Variants in BAG1 observed in about 807,000 individuals in gnomAD.
The protein encoded by BAG1 is BAG cochaperone 1.
A neutral mutation model predicts 35.5 loss-of-function variants in BAG1; 35 were observed. The observed-to-expected ratio is 0.99, with a 90% CI of 0.75 to 1.31. BAG1 has a LOEUF of 1.31. Ranked by LOEUF, BAG1 falls within the 50% of genes most tolerant of loss-of-function variation. The pLI, the probability that BAG1 is intolerant of heterozygous loss-of-function variation, is 0.00. For missense variants in BAG1, 464 were observed against 453.6 expected, an observed-to-expected ratio of 1.02 and a Z score of -0.21; for synonymous variants, 191 against 178.9, an observed-to-expected ratio of 1.07 and a Z score of -0.54.
At position 33,264,396 on chromosome 9, in the gene BAG1, G is replaced by T. The variant is rs757122686; in HGVS notation, c.279C>A (p.Thr93=). Residue 93 remains threonine, a synonymous_variant, in exon 1 of 7, where the codon ACC becomes ACA. Coordinates refer to ENST00000634734, the MANE Select transcript of BAG1 (RefSeq NM_004323.6). ...CACTCCAGGTCGCTTCCTCACTCAG[G>T]GTCAACTCCTCGCTCCGGGTCAACT... The T allele has an allele frequency of 6.2e-7, 1 of 1,603,154 alleles. No individual in the cohort carries two copies.
chr9:33,254,007 T>TC lies in BAG1; in HGVS notation c.*1211dup, dbSNP rs1820393699. 1 of 151,220 alleles carries TC rather than the reference T, an allele frequency of 6.6e-6. No homozygotes were observed. The highest frequency in any genetic ancestry group is 2.1e-4 in the South Asian group (1 of 4,780). The allele number at this position is 151,220 out of a possible 1,614,324, so 9.4% of individuals were successfully genotyped here. On this transcript the variant is annotated 3_prime_UTR_variant, in exon 7 of 7. Transcript: ENST00000634734. ...TTTTTTTTTTTTCTGAGATGGAGTC[T>TC]CACTCTGTGACCCAGGCTGGAGTGC... is the stretch of plus-strand genomic sequence containing the variant.
At chr9:33,259,183 A>C (rs111792805) in intron 3 of BAG1, 150 bp from the exon 4 acceptor site, 17 of 547,590 alleles carry the variant, frequency 3.1e-5, no homozygotes, top group African/African-American at 1.9e-4. Flanking sequence ...CAACATGGTG[A>C]AACACTGTCT....
chr9:33,259,936 T>C (rs1270826191), intron 3 of BAG1: 1 of 152,268 alleles, frequency 6.6e-6, no homozygotes, highest in Non-Finnish European at 1.5e-5. Context: ...AAACTGAGGC[T>C]TAATGTAGTA....
At chr9:33,262,365 G>A in intron 2 of BAG1, 2 of 1,170,526 alleles carry the variant, frequency 1.7e-6, no homozygotes, top group Non-Finnish European at 2.2e-6. Flanking sequence ...GAAAAGAAAT[G>A]CTTACCCTTG....
At position 33,259,026 on chromosome 9, in the gene BAG1, G is replaced by A. The variant is rs765003937; in HGVS notation, c.671C>T (p.Pro224Leu). Residue 224 changes from proline to leucine, a missense_variant, in exon 4 of 7, where the codon CCA becomes CTA. By Grantham distance (98) the Pro-to-Leu change is moderately conservative. Transcript: ENST00000634734. ...CTTCTTTAGTTCAACCTCTTCCTGT[G>A]GACTGTTCTAAAATGTTTAAGAAGA... 1.9e-6 allele frequency: 3 copies of A among 1,613,194 alleles called. No homozygotes were observed. Among genetic ancestry groups the A allele is most frequent in the African/African-American group, 1.3e-5 (1 of 74,844 alleles).
At chr9:33,258,251 A>G (rs1346120409) in intron 4 of BAG1, 1 of 138,522 alleles carries the variant, frequency 7.2e-6, no homozygotes, top group Admixed American at 7.6e-5. Flanking sequence ...AGCCACTGAG[A>G]TTGCACCACT....
At chr9:33,261,746 G>A (rs1381528616) in intron 2 of BAG1, among the ~76,000 whole-genome samples, 2 of 152,032 alleles carry the variant, frequency 1.3e-5, no homozygotes, top group Non-Finnish European at 2.9e-5. Context: ...TATAATGACT[G>A]ACACCCAATG....
chr9:33,261,946 A>C, intron 2 of BAG1: 1 of 985,452 alleles, frequency 1.0e-6, no homozygotes, highest in Non-Finnish European at 1.2e-6. Flanking sequence ...GAGGCACTGG[A>C]AACACAGCAG....
In BAG1 at chr9:33,259,016, C is replaced by T. The variant is rs1465531513; in HGVS notation, c.681G>A (p.Glu227=). 6 of 1,613,868 alleles carry T rather than the reference C, an allele frequency of 3.7e-6. No individual in the cohort carries two copies. Among genetic ancestry groups the T allele is most frequent in the East Asian group, 4.5e-5 (2 of 44,890 alleles). ...AATGTTTCAACTTCTTTAGTTCAAC[C>T]TCTTCCTGTGGACTGTTCTAAAATG... The change falls in exon 4 of 7, where the codon GAG becomes GAA. Residue 227 remains glutamate, a synonymous_variant. Coordinates refer to ENST00000634734, the MANE Select transcript of BAG1 (RefSeq NM_004323.6).
Position 33,261,181 on chromosome 9 carries a change from AG to A in BAG1, c.581-13del, listed in dbSNP as rs753669035. 4.4e-6 allele frequency: 7 copies of A among 1,592,656 alleles called. No individual in the cohort carries two copies. In the East Asian group the frequency reaches 9.0e-5, roughly 20 times the overall value. ...CTTCAGAGATTTTCCTAAAAAGAGG[AG>A]AAAGGTAGGCCAAGTTGTAATAATT... On this transcript the variant is annotated splice_polypyrimidine_tract_variant and intron_variant, in intron 2 of 6. Transcript: ENST00000634734.
In BAG1 at chr9:33,261,132, T is replaced by G. The variant is rs770917998; in HGVS notation, c.618A>C (p.Ala206=). The change falls in exon 3 of 7, where the codon GCA becomes GCC. Residue 206 remains alanine, a synonymous_variant. Transcript: ENST00000634734. Reference sequence around the variant, plus strand: ...CCCGGCAACCATCTTGTATTCCAAGTGCTGACAACGGTGTTTCCATTTCCT... The same window carrying G: ...CCCGGCAACCATCTTGTATTCCAAGGGCTGACAACGGTGTTTCCATTTCCT... 14 of 1,611,126 alleles carry G rather than the reference T, an allele frequency of 8.7e-6. No individual in the cohort carries two copies. Among genetic ancestry groups the G allele is most frequent in the Admixed American group, 1.7e-5 (1 of 59,440 alleles).
Position 33,252,668 on chromosome 9 carries a change from G to C in BAG1, c.*2551C>G, listed in dbSNP as rs146076839. ...TCACCCAAGGAACCCTGGTGTTAAA[G>C]GCAAAGATTAACCAAATAATCCCAC... On this transcript the variant is annotated 3_prime_UTR_variant, in exon 7 of 7. Coordinates refer to ENST00000634734, the MANE Select transcript of BAG1 (RefSeq NM_004323.6). 1.1e-3 allele frequency: 168 copies of C among 152,012 alleles called. No individual in the cohort carries two copies. Among genetic ancestry groups the C allele is most frequent in the African/African-American group, 3.9e-3 (161 of 41,426 alleles). 9.4% of individuals were successfully genotyped at this position (152,012 alleles called of 1,614,324 possible).
At position 33,264,419 on chromosome 9, in the gene BAG1, A is replaced by G; in HGVS notation, c.256T>C (p.Leu86=). The change falls in exon 1 of 7, where the codon TTG becomes CTG. Residue 86 remains leucine, a synonymous_variant. Transcript: ENST00000634734. ...AGGGTCAACTCCTCGCTCCGGGTCAACTCCTCGCTCCGGGTCGAGCGGCGC... is the reference window on the plus strand; with the variant it reads ...AGGGTCAACTCCTCGCTCCGGGTCAGCTCCTCGCTCCGGGTCGAGCGGCGC... 1 of 1,607,722 alleles carries G rather than the reference A, an allele frequency of 6.2e-7. No homozygotes were observed.
intron 2 of BAG1, chr9:33,262,158 A>G: frequency 7.8e-7 from 1 of 1,289,856 alleles, no homozygotes; most frequent in South Asian, 1.2e-5. Flanking sequence ...GATTTCTGCC[A>G]TCATCATAAG....
At position 33,255,297 on chromosome 9, in the gene BAG1, G is replaced by A. The variant is rs776279085; in HGVS notation, c.960C>T (p.Ala320=). ...TGTTCTGCTCCACTGTGTCACACTC[G>A]GCTAGGAATGCCTAGAAAATACACA... Residue 320 remains alanine (A), a synonymous_variant, in exon 7 of 7, where the codon GCC becomes GCT. Coordinates refer to ENST00000634734, the MANE Select transcript of BAG1 (RefSeq NM_004323.6). 18 of 1,614,084 alleles carry A rather than the reference G, an allele frequency of 1.1e-5. No individual in the cohort carries two copies. The highest frequency in any genetic ancestry group is 5.5e-5 in the South Asian group (5 of 91,088).
chr9:33,252,969 G>A lies in BAG1; in HGVS notation c.*2250C>T, dbSNP rs541444732. On this transcript the variant is annotated 3_prime_UTR_variant, in exon 7 of 7. Coordinates refer to ENST00000634734, the MANE Select transcript of BAG1 (RefSeq NM_004323.6). The stretch of plus-strand genomic sequence containing the variant: ...CAGTGCATCTGAGGACCTGAAAGAA[G>A]AGTGGCTGACAGCAGACAGCCAACA... The A allele has an allele frequency of 4.2e-4, 64 of 152,328 alleles. No individual in the cohort carries two copies. Among genetic ancestry groups the A allele is most frequent in the Non-Finnish European group, 7.3e-4 (50 of 68,082 alleles). 9.4% of individuals were successfully genotyped at this position (152,328 alleles called of 1,614,324 possible).
At chr9:33,260,957 T>G in intron 3 of BAG1, 130 bp downstream of exon 3, 1 of 625,072 alleles carries the variant, frequency 1.6e-6, no homozygotes, top group Non-Finnish European at 2.6e-6. Flanking sequence ...CCAATAAAGA[T>G]TGTATTTGTT....
Position 33,264,689 on chromosome 9 carries a change from A to C in BAG1, c.-15T>G. The C allele has an allele frequency of 1.5e-6, 2 of 1,354,408 alleles. No individual in the cohort carries two copies. The highest frequency in any genetic ancestry group is 1.9e-6 in the Non-Finnish European group (2 of 1,059,896). The allele number at this position is 1,354,408 out of a possible 1,614,324, so 83.9% of individuals were successfully genotyped here. A position where few individuals can be genotyped will look rare whatever the true frequency, so the allele number is the denominator to read the frequency against. On this transcript the variant is annotated 5_prime_UTR_variant, in exon 1 of 7. Transcript: ENST00000634734. ...CGCTGAGCCAGGCCCGCACTTGTTGACCGCCCAGCGATGGAAGCTGAGCGC... is the reference window on the plus strand; with the variant it reads ...CGCTGAGCCAGGCCCGCACTTGTTGCCCGCCCAGCGATGGAAGCTGAGCGC...
rs747813811 is a variant in BAG1, at chr9:33,262,836, G to C, written c.452-6C>G. The C allele has an allele frequency of 1.9e-6, 3 of 1,610,028 alleles. No individual in the cohort carries two copies. The highest frequency in any genetic ancestry group is 2.2e-5 in the South Asian group (2 of 90,174). ...AAGGTCGTGCTTCTCATTGCCTGGG[G>C]AGAAAGAAAAGCATTTGACGAATAT... On this transcript the variant is annotated splice_polypyrimidine_tract_variant and splice_region_variant and intron_variant, in intron 1 of 6. Transcript: ENST00000634734.
Sources: allele counts gnomAD v4.1 joint callset (sites outside exome capture counted in the v4.1 genomes callset), GRCh38; gene constraint gnomAD v4.1.1; transcripts MANE v1.5; gene names NCBI Gene and HGNC (gene_info 2026-07-23, HGNC 2026-07-21).